Variants in CAMTA1 observed in about 807,000 individuals in gnomAD.
The protein encoded by CAMTA1 is calmodulin-binding transcription activator 1.
CAMTA1 carries 27 observed loss-of-function variants against 170.9 expected under a neutral mutation model. That is an observed-to-expected ratio of 0.16 (90% CI 0.12 to 0.22). The LOEUF is 0.22. Among genes scored for constraint, CAMTA1 ranks in the 10% least tolerant of loss-of-function variants. CAMTA1 has a pLI of 1.00. For missense variants in CAMTA1, 1,619 were observed against 2,217.2 expected, an observed-to-expected ratio of 0.73 and a Z score of 5.42; for synonymous variants, 833 against 891.5, an observed-to-expected ratio of 0.93 and a Z score of 1.17.
At chr1:7,208,350 G>T (rs774543613) in intron 4 of CAMTA1, among the ~76,000 whole-genome samples, 4 of 152,216 alleles carry the variant, frequency 2.6e-5, no homozygotes, top group Admixed American at 6.5e-5. Flanking sequence ...CAATGATCAG[G>T]TCAGTCAAAA....
intron 5 of CAMTA1, among the ~76,000 whole-genome samples, chr1:7,357,975 G>T (rs118094222): frequency 6.6e-6 from 1 of 152,320 alleles, no homozygotes; most frequent in East Asian, 1.9e-4. Flanking sequence ...ACAGGGCCCT[G>T]TGTTTTCTGG....
At chr1:7,152,668 G>T (rs531005593) in intron 4 of CAMTA1, among the ~76,000 whole-genome samples, 34 of 152,308 alleles carry the variant, frequency 2.2e-4, no homozygotes, top group Non-Finnish European at 4.4e-4. Context: ...TTCCCAGCAG[G>T]CTTCTCCACC....
chr1:7,356,923 G>T (rs974588395), intron 5 of CAMTA1, among the ~76,000 whole-genome samples: 2 of 152,142 alleles, frequency 1.3e-5, no homozygotes, highest in African/African-American at 4.8e-5. Flanking sequence ...CCTTGGGCCC[G>T]TGGAAGCTGT....
chr1:7,186,566 A>G (rs546988812), intron 4 of CAMTA1, among the ~76,000 whole-genome samples: 15 of 152,196 alleles, frequency 9.9e-5, no homozygotes, highest in African/African-American at 3.6e-4. Flanking sequence ...GAATCTGGTG[A>G]CCTGGGTTCC....
intron 5 of CAMTA1, among the ~76,000 whole-genome samples, chr1:7,277,767 A>G (rs1250042745): frequency 3.7e-5 from 4 of 109,338 alleles, no homozygotes; most frequent in African/African-American, 1.3e-4. Flanking sequence ...ACACACACAT[A>G]CACACACTTT....
At chr1:7,747,577 T>C (rs2096865797) in intron 18 of CAMTA1, 133 bp from the exon 19 acceptor site, 1 of 562,224 alleles carries the variant, frequency 1.8e-6, no homozygotes, top group Non-Finnish European at 3.1e-6. Flanking sequence ...TCATTTATAA[T>C]TAATTATCAA....
rs543306200 is a variant in CAMTA1 at position 6,997,230 on chromosome 1, C to G, written c.235-94074C>G. On this transcript the variant is annotated intron_variant, in intron 3 of 22. Transcript: ENST00000303635. Reference sequence around the variant, plus strand: ...TTTCCGTGTATTTATTAGTTAAACCCTAATAAATTCCTTCATCTTTGTTTT... The same window carrying G: ...TTTCCGTGTATTTATTAGTTAAACCGTAATAAATTCCTTCATCTTTGTTTT... Among the ~76,000 whole-genome samples, 3 of 152,124 alleles carry G rather than the reference C, an allele frequency of 2.0e-5. No individual in the cohort carries two copies. The South Asian group carries it at 6.2e-4, about 32-fold the overall frequency.
chr1:7,542,756 T>C (rs2094628993), intron 6 of CAMTA1, among the ~76,000 whole-genome samples: 1 of 152,114 alleles, frequency 6.6e-6, no homozygotes, highest in African/African-American at 2.4e-5. Flanking sequence ...CTTGAACTCC[T>C]GGCCTCAAGT....
intron 5 of CAMTA1, among the ~76,000 whole-genome samples, chr1:7,424,556 G>A (rs975368546): frequency 1.3e-5 from 2 of 152,074 alleles, no homozygotes; most frequent in Non-Finnish European, 2.9e-5. Flanking sequence ...GGGCAGCCAC[G>A]TCCTGGCCTG....
chr1:7,246,378 A>G (rs542405274), intron 4 of CAMTA1, among the ~76,000 whole-genome samples: 1 of 152,298 alleles, frequency 6.6e-6, no homozygotes, highest in East Asian at 1.9e-4. Context: ...GGCGTGCCCC[A>G]CTGGTACCGG....
chr1:7,308,470 A>C (rs1675940131), intron 5 of CAMTA1, among the ~76,000 whole-genome samples: 1 of 152,020 alleles, frequency 6.6e-6, no homozygotes, highest in African/African-American at 2.4e-5. Context: ...CTTCTTTTCT[A>C]ATGTGAACAT....
chr1:6,981,661 C>G (rs993738167), intron 3 of CAMTA1, among the ~76,000 whole-genome samples: 2 of 152,150 alleles, frequency 1.3e-5, no homozygotes, highest in African/African-American at 4.8e-5. Flanking sequence ...GTCTTAAACT[C>G]CTGGATTCAA....
intron 3 of CAMTA1, among the ~76,000 whole-genome samples, chr1:6,985,841 A>G (rs897243672): frequency 2.0e-5 from 3 of 152,234 alleles, no homozygotes; most frequent in Non-Finnish European, 2.9e-5. Flanking sequence ...ATTTTCACAC[A>G]TCGCTGACTA....
chr1:7,723,920 A>G (rs1377714553), intron 11 of CAMTA1, among the ~76,000 whole-genome samples: 3 of 152,210 alleles, frequency 2.0e-5, no homozygotes, highest in Admixed American at 2.0e-4. Flanking sequence ...CCTGGGTTCA[A>G]GTAACTCTCC....
rs1349320109 is a variant in CAMTA1 at position 7,532,990 on chromosome 1, G to A, written c.510+65089G>A. 6.6e-6 allele frequency among the ~76,000 whole-genome samples: 1 copy of A among 152,200 alleles called. No homozygotes were observed. The highest frequency in any genetic ancestry group is 2.4e-5 in the African/African-American group (1 of 41,446). On this transcript the variant is annotated intron_variant, in intron 6 of 22. Transcript: ENST00000303635. The surrounding 1 kb of genome is among the most constrained non-coding windows in gnomAD (Gnocchi z 4.2). Reference sequence around the variant, plus strand: ...GAGATGGGAGGCCCAGGTGGGAGTTGAGGGTCCCAATAATTAGTACGTTGT... The same window carrying A: ...GAGATGGGAGGCCCAGGTGGGAGTTAAGGGTCCCAATAATTAGTACGTTGT...
intron 4 of CAMTA1, among the ~76,000 whole-genome samples, chr1:7,149,917 C>A (rs1381271342): frequency 6.6e-6 from 1 of 152,224 alleles, no homozygotes; most frequent in Non-Finnish European, 1.5e-5. Flanking sequence ...GGCAGCCCTG[C>A]CTTCCTTGCC....
rs151025042 is a variant in CAMTA1, at chr1:7,480,108, C to CAT, written c.510+12207_510+12208insAT. ...CCGTGTGTGTGCCTGTGTGTGAGAG[C>CAT]GTGTGTGTGTGTGTGAGTATGTGTG... On this transcript the variant is annotated intron_variant, in intron 6 of 22. Coordinates refer to ENST00000303635, the MANE Select transcript of CAMTA1 (RefSeq NM_015215.4). 1.2e-4 allele frequency among the ~76,000 whole-genome samples: 18 copies of CAT among 145,312 alleles called. No individual in the cohort carries two copies. The East Asian group carries it at 2.9e-3, about 23-fold the overall frequency.
chr1:7,141,982 C>T (rs1168851547), intron 4 of CAMTA1: 4 of 438,664 alleles, frequency 9.1e-6, no homozygotes, highest in African/African-American at 8.1e-5. Flanking sequence ...GTTGGGTCCT[C>T]TGACTTCCCC....
At chr1:7,230,446 C>T (rs1167042118) in intron 4 of CAMTA1, among the ~76,000 whole-genome samples, 2 of 76,410 alleles carry the variant, frequency 2.6e-5, no homozygotes, top group African/African-American at 7.2e-5. Context: ...CCCCCCCCCG[C>T]CCCGCAAAGC....
Sources: allele counts gnomAD v4.1 joint callset (sites outside exome capture counted in the v4.1 genomes callset), GRCh38; gene constraint gnomAD v4.1.1; non-coding constraint Gnocchi (gnomAD v3.1); transcripts MANE v1.5; gene names NCBI Gene and HGNC (gene_info 2026-07-23, HGNC 2026-07-21).